The following RORA variants were observed in gnomAD, a reference collection of about 807,000 sequenced individuals.
The protein encoded by RORA is RAR related orphan receptor A, also known as nuclear receptor ROR-alpha.
A neutral mutation model predicts 69.5 loss-of-function variants in RORA; 7 were observed. The observed-to-expected ratio is 0.10, with a 90% CI of 0.06 to 0.19. The LOEUF (loss-of-function observed/expected upper bound fraction) is 0.19, where lower values mean the gene tolerates loss of function less well. Among genes scored for constraint, RORA ranks in the 10% least tolerant of loss-of-function variants. The pLI, the probability that RORA is intolerant of heterozygous loss-of-function variation, is 1.00. For missense variants in RORA, 457 were observed against 663.0 expected (o/e 0.69, Z 3.41); for synonymous variants, 261 against 240.8 (o/e 1.08, Z -0.78).
rs35933156 is a variant in RORA, at chr15:60,998,402, C to CTT, written c.166+230649_166+230650dup. Among the ~76,000 whole-genome samples, 235 of 146,684 alleles carry CTT rather than the reference C, an allele frequency of 1.6e-3. 2 individuals are homozygous for CTT. The highest frequency in any genetic ancestry group is 1.2e-3 in the Non-Finnish European group (80 of 66,598). ...CAGGCTTCACCATGTATATTTCTTT[C>CTT]TTTTTTTTTTTTTGAGACAGAGTCT... On this transcript the variant is annotated intron_variant, in intron 1 of 10. Transcript: ENST00000335670.
rs1411030814 is a variant in RORA at position 60,496,395 on chromosome 15, T to C, written c.*1060A>G. The stretch of plus-strand genomic sequence containing the variant: ...ACCGAGTCCATATTTAACTACTGAA[T>C]TGTGTAAAATGAGCTTCTCCTCCCC... On this transcript the variant is annotated 3_prime_UTR_variant, in exon 11 of 11. Transcript: ENST00000335670. The surrounding 1 kb of genome is among the most constrained non-coding windows in gnomAD (Gnocchi z 4.5). The C allele has an allele frequency of 6.6e-6, 1 of 152,066 alleles. No individual in the cohort carries two copies. The highest frequency in any genetic ancestry group is 1.5e-5 in the Non-Finnish European group (1 of 68,026). 9.4% of individuals were successfully genotyped at this position (152,066 alleles called of 1,614,324 possible). A position where few individuals can be genotyped will look rare whatever the true frequency, so the allele number is the denominator to read the frequency against.
intron 7 of RORA, among the ~76,000 whole-genome samples, chr15:60,503,073 G>A (rs1009132210): frequency 6.6e-6 from 1 of 152,176 alleles, no homozygotes; most frequent in African/African-American, 2.4e-5. Flanking sequence ...CTGAAGCTAA[G>A]CCCTGTTTAA....
At chr15:61,063,942 G>A (rs1371061010) in intron 1 of RORA, among the ~76,000 whole-genome samples, 5 of 152,282 alleles carry the variant, frequency 3.3e-5, no homozygotes, top group Admixed American at 6.5e-5. Flanking sequence ...ACTGCCTTCC[G>A]TCTGGTGTGG....
chr15:61,122,926 C>T (rs953833863), intron 1 of RORA, among the ~76,000 whole-genome samples: 4 of 152,160 alleles, frequency 2.6e-5, no homozygotes, highest in Non-Finnish European at 4.4e-5. Context: ...AAAATTGAGA[C>T]AAAAGGCTAA....
At chr15:60,824,997 G>A (rs975914816) in intron 1 of RORA, among the ~76,000 whole-genome samples, 1 of 152,318 alleles carries the variant, frequency 6.6e-6, no homozygotes, top group Non-Finnish European at 1.5e-5. Flanking sequence ...TGTATGGCTA[G>A]GAACTTCTAG....
chr15:60,976,509 G>T (rs1446728543), intron 1 of RORA, among the ~76,000 whole-genome samples: 6 of 152,116 alleles, frequency 3.9e-5, no homozygotes, highest in African/African-American at 1.4e-4. Flanking sequence ...GAAAGCCCAG[G>T]CCTGCCAGCA....
At chr15:60,811,538 T>C (rs892037904) in intron 1 of RORA, among the ~76,000 whole-genome samples, 10 of 152,236 alleles carry the variant, frequency 6.6e-5, no homozygotes, top group Middle Eastern at 3.2e-3. Context: ...TACACATGTG[T>C]ATTTAATCTG....
chr15:60,936,981 T>C (rs796232568), intron 1 of RORA, among the ~76,000 whole-genome samples: 3 of 152,338 alleles, frequency 2.0e-5, no homozygotes, highest in African/African-American at 4.8e-5. Context: ...ATAGGTCTTA[T>C]ATTTTTTTTT....
At chr15:60,675,047 G>A (rs2070533037) in intron 2 of RORA, among the ~76,000 whole-genome samples, 1 of 152,134 alleles carries the variant, frequency 6.6e-6, no homozygotes, top group Non-Finnish European at 1.5e-5. Context: ...ACTCCATGAT[G>A]CTAAACTTTC....
chr15:60,725,296 CT>C (rs1425586413), intron 1 of RORA, among the ~76,000 whole-genome samples: 13 of 152,138 alleles, frequency 8.5e-5, no homozygotes, highest in Non-Finnish European at 1.3e-4. Context: ...CTCTTATTAC[CT>C]GGACTATTTA....
At chr15:60,831,297 C>G (rs1195906746) in intron 1 of RORA, among the ~76,000 whole-genome samples, 1 of 152,122 alleles carries the variant, frequency 6.6e-6, no homozygotes, top group Admixed American at 6.6e-5. Context: ...CCAGAACAGC[C>G]AGGACAAAGA....
chr15:61,087,597 C>T (rs1285547002), intron 1 of RORA, among the ~76,000 whole-genome samples: 1 of 152,166 alleles, frequency 6.6e-6, no homozygotes, highest in Non-Finnish European at 1.5e-5. Context: ...CATATAAAAA[C>T]AACATATGAG....
chr15:60,645,811 TTA>T lies in RORA; in HGVS notation c.196+32844_196+32845del, dbSNP rs1326355636. On this transcript the variant is annotated intron_variant, in intron 2 of 10. Coordinates refer to ENST00000335670, the MANE Select transcript of RORA (RefSeq NM_134261.3). ...AGTGAAATAGGGTTTTTTTTTTTTT[TTA>T]AAAAATTAAGGGGCTGATTTCGTTA... Among the ~76,000 whole-genome samples, 338 of 139,880 alleles carry T rather than the reference TTA, an allele frequency of 2.4e-3. 1 individual carries two copies. The highest frequency in any genetic ancestry group is 0.018 in the East Asian group (90 of 5,042). The allele number at this position is 139,880 out of a possible 152,430, so 91.8% of individuals were successfully genotyped here. A position where few individuals can be genotyped will look rare whatever the true frequency, so the allele number is the denominator to read the frequency against.
chr15:60,614,044 T>TA (rs2140594881), intron 2 of RORA, among the ~76,000 whole-genome samples: 1 of 151,966 alleles, frequency 6.6e-6, no homozygotes, highest in African/African-American at 2.4e-5. Context: ...AAACTGGAAA[T>TA]TTTTTGGTAG....
chr15:60,563,020 C>G (rs1238914418), intron 2 of RORA, among the ~76,000 whole-genome samples: 2 of 152,272 alleles, frequency 1.3e-5, no homozygotes, highest in African/African-American at 4.8e-5. Context: ...TGGCTATCCT[C>G]AAGTTTGGGC....
At chr15:60,947,048 C>T (rs192424023) in intron 1 of RORA, among the ~76,000 whole-genome samples, 66 of 88,472 alleles carry the variant, frequency 7.5e-4, no homozygotes, top group Admixed American at 3.2e-3. Context: ...CCAGCCGCCC[C>T]GTCCGGGAGG....
chr15:60,953,773 A>T (rs1431489965), intron 1 of RORA, among the ~76,000 whole-genome samples: 53 of 152,074 alleles, frequency 3.5e-4, no homozygotes, highest in Non-Finnish European at 6.6e-4. Flanking sequence ...AATGGCGATC[A>T]TTAAAAAGTC....
intron 1 of RORA, among the ~76,000 whole-genome samples, chr15:61,055,638 T>C (rs2140519358): frequency 6.6e-6 from 1 of 152,280 alleles, no homozygotes; most frequent in African/African-American, 2.4e-5. Flanking sequence ...AGCTGGTTTT[T>C]CAAAGTAATA....
chr15:60,799,622 C>T (rs2072549788), intron 1 of RORA, among the ~76,000 whole-genome samples: 1 of 152,040 alleles, frequency 6.6e-6, no homozygotes, highest in Non-Finnish European at 1.5e-5. Context: ...TAAACAAGTT[C>T]AGATGCCGAA....
Sources: gnomAD v4.1 joint callset for allele counts (sites outside exome capture counted in the v4.1 genomes callset) on GRCh38, gnomAD v4.1.1 for gene constraint, Gnocchi (gnomAD v3.1) non-coding constraint, MANE v1.5 for transcripts, NCBI Gene and HGNC (gene_info 2026-07-23, HGNC 2026-07-21) for gene names.